The following FHIT variants were observed in gnomAD, a reference collection of about 807,000 sequenced individuals.
The protein encoded by FHIT is bis(5'-adenosyl)-triphosphatase.
In FHIT, 19 loss-of-function variants were observed where a neutral mutation model predicts 17.9. The observed-to-expected ratio is 1.06, with a 90% CI of 0.74 to 1.56. The LOEUF is 1.56. Among genes scored for constraint, FHIT ranks in the 40% most tolerant of loss-of-function variants. FHIT has a pLI of 0.00. For missense variants in FHIT, 248 were observed against 189.2 expected, an observed-to-expected ratio of 1.31 and a Z score of -1.82; for synonymous variants, 81 against 69.7, an observed-to-expected ratio of 1.16 and a Z score of -0.81.
At chr3:60,933,645 C>T (rs11924304) in intron 3 of FHIT, among the ~76,000 whole-genome samples, 90,943 of 151,994 alleles carry the variant, frequency 0.6, 27,504 homozygotes, top group East Asian at 0.67. Context: ...CCATTTACTA[C>T]TGATGCATGT....
chr3:60,587,625 C>A (rs558246284), intron 4 of FHIT, among the ~76,000 whole-genome samples: 1 of 152,072 alleles, frequency 6.6e-6, no homozygotes, highest in South Asian at 2.1e-4. Context: ...GGCGTAAAAC[C>A]TGACAGTGAG....
chr3:61,053,086 A>G (rs1323391039), intron 2 of FHIT, among the ~76,000 whole-genome samples: 1 of 152,208 alleles, frequency 6.6e-6, no homozygotes, highest in African/African-American at 2.4e-5. Context: ...AATGAGGACT[A>G]GAAGCACCAG....
intron 2 of FHIT, among the ~76,000 whole-genome samples, chr3:61,073,438 T>G (rs1344911900): frequency 1.3e-5 from 2 of 152,220 alleles, no homozygotes; most frequent in African/African-American, 4.8e-5. Flanking sequence ...CTTCCCATAT[T>G]CTTCTGCGTC....
intron 3 of FHIT, among the ~76,000 whole-genome samples, chr3:60,928,394 G>A (rs773160403): frequency 9.4e-5 from 14 of 148,220 alleles, no homozygotes; most frequent in East Asian, 4.0e-4. Flanking sequence ...AAAAAAGTGC[G>A]AAAATTAGCC....
chr3:61,237,328 G>T (rs974196136), intron 1 of FHIT, among the ~76,000 whole-genome samples: 1 of 152,144 alleles, frequency 6.6e-6, no homozygotes, highest in South Asian at 2.1e-4. Flanking sequence ...AGAATCTTAA[G>T]TGTTTATGAG....
At chr3:60,789,764 GA>G (rs1211665927) in intron 4 of FHIT, among the ~76,000 whole-genome samples, 11 of 149,260 alleles carry the variant, frequency 7.4e-5, no homozygotes, top group Non-Finnish European at 1.0e-4. Flanking sequence ...ACACCAGAAG[GA>G]AAAAAAAAAT....
intron 2 of FHIT, among the ~76,000 whole-genome samples, chr3:61,043,386 A>G (rs899311697): frequency 6.6e-6 from 1 of 152,176 alleles, no homozygotes; most frequent in African/African-American, 2.4e-5. Flanking sequence ...TTAGCACAGC[A>G]GTCTGAGATC....
chr3:59,986,574 TAC>T (rs1203741421), intron 7 of FHIT, among the ~76,000 whole-genome samples: 14,583 of 59,606 alleles, frequency 0.24, 3,514 homozygotes, highest in African/African-American at 0.32. Flanking sequence ...CACACATATA[TAC>T]ACACACACAC....
intron 2 of FHIT, among the ~76,000 whole-genome samples, chr3:61,125,503 GA>G (rs1290491884): frequency 6.6e-6 from 1 of 152,168 alleles, no homozygotes; most frequent in Non-Finnish European, 1.5e-5. Context: ...TGGATGATCT[GA>G]AAATTTCCAG....
rs75701379 is a variant in FHIT at position 60,874,483 on chromosome 3, C to A, written c.-110-52472G>T. ...CACATTTTTCTAGAAAACCTCACAT[C>A]TTTCATCACATTAAGAGGTTAAGAA... On this transcript the variant is annotated intron_variant, in intron 3 of 9. Coordinates refer to ENST00000492590, the MANE Select transcript of FHIT (RefSeq NM_002012.4). Among the ~76,000 whole-genome samples, 467 of 152,276 alleles carry A rather than the reference C, an allele frequency of 3.1e-3. 3 individuals are homozygous for A. The highest frequency in any genetic ancestry group is 0.011 in the African/African-American group (448 of 41,546).
At chr3:61,198,021 C>G (rs969778606) in intron 2 of FHIT, among the ~76,000 whole-genome samples, 1 of 152,028 alleles carries the variant, frequency 6.6e-6, no homozygotes, top group Admixed American at 6.6e-5. Context: ...CTGCAAAACA[C>G]TGAGCTACTT....
chr3:60,769,101 T>C (rs961770220), intron 4 of FHIT, among the ~76,000 whole-genome samples: 3 of 152,150 alleles, frequency 2.0e-5, no homozygotes, highest in East Asian at 3.9e-4. Context: ...TATTTATATG[T>C]ACATATATTA....
Position 60,114,488 on chromosome 3 carries a change from C to CTTTT in FHIT, c.104-100337_104-100336insAAAA, listed in dbSNP as rs145618938. 4.0e-3 allele frequency among the ~76,000 whole-genome samples: 238 copies of CTTTT among 59,486 alleles called. 52 individuals are homozygous for CTTTT. Among genetic ancestry groups the CTTTT allele is most frequent in the African/African-American group, 0.014 (191 of 13,368 alleles). The allele number at this position is 59,486 out of a possible 152,430, so 39.0% of individuals were successfully genotyped here. The stretch of plus-strand genomic sequence containing the variant: ...TAAAATAAGGAAGAACAAGAGAAAT[C>CTTTT]CTTTTTTTTTTTTTTTTTTTTTTTT... On this transcript the variant is annotated intron_variant, in intron 5 of 9. Coordinates refer to ENST00000492590, the MANE Select transcript of FHIT (RefSeq NM_002012.4).
chr3:59,752,119 G>A, intron 9 of FHIT, 102 bp downstream of exon 9: 1 of 763,812 alleles, frequency 1.3e-6, no homozygotes, highest in Non-Finnish European at 2.1e-6. Context: ...CACCACCCAA[G>A]GATGCTGGTG....
rs1413929551 is a variant in FHIT at position 61,085,752 on chromosome 3, T to G, written c.-163-43653A>C. On this transcript the variant is annotated intron_variant, in intron 2 of 9. Coordinates refer to ENST00000492590, the MANE Select transcript of FHIT (RefSeq NM_002012.4). ...GTTTTCATCTAGAAGTTTTATAGTT[T>G]TAAAGCTTATATTTTGGTCTGTAAT... Among the ~76,000 whole-genome samples, 3 of 152,196 alleles carry G rather than the reference T, an allele frequency of 2.0e-5. No individual in the cohort carries two copies. The East Asian group carries it at 5.8e-4, about 29-fold the overall frequency.
At chr3:59,896,478 T>G (rs1408681210) in intron 8 of FHIT, among the ~76,000 whole-genome samples, 1 of 152,170 alleles carries the variant, frequency 6.6e-6, no homozygotes, top group African/African-American at 2.4e-5. Context: ...AGAGGGTAGT[T>G]AGTGTTCATC....
chr3:61,065,987 CT>C (rs1404131503), intron 2 of FHIT, among the ~76,000 whole-genome samples: 2 of 152,098 alleles, frequency 1.3e-5, no homozygotes, highest in Admixed American at 1.3e-4. Context: ...GATTTATTAG[CT>C]TACAATTCTG....
intron 5 of FHIT, among the ~76,000 whole-genome samples, chr3:60,184,862 A>C (rs1371202287): frequency 6.6e-6 from 1 of 152,134 alleles, no homozygotes; most frequent in Non-Finnish European, 1.5e-5. Flanking sequence ...ATTTTGGGTT[A>C]TAATTCAATA....
At chr3:61,065,257 G>A (rs971883559) in intron 2 of FHIT, among the ~76,000 whole-genome samples, 1 of 132,542 alleles carries the variant, frequency 7.5e-6, no homozygotes, top group South Asian at 2.4e-4. Context: ...TCTATCTCAC[G>A]AGTCATTTTC....
Sources: gnomAD v4.1 joint callset for allele counts (sites outside exome capture counted in the v4.1 genomes callset) on GRCh38, gnomAD v4.1.1 for gene constraint, MANE v1.5 for transcripts, NCBI Gene and HGNC (gene_info 2026-07-23, HGNC 2026-07-21) for gene names.